SGCD: variants seen among roughly 807,000 people sequenced by gnomAD.
The protein encoded by SGCD is delta-sarcoglycan.
Under a neutral mutation model 36.6 loss-of-function variants are expected in SGCD, and 18 were observed. That is an observed-to-expected ratio of 0.49 (90% CI 0.34 to 0.73). SGCD has a LOEUF of 0.73. Among genes scored for constraint, SGCD ranks in the 30% least tolerant of loss-of-function variants. The pLI, the probability that SGCD is intolerant of heterozygous loss-of-function variation, is 0.01. For missense variants in SGCD, 387 were observed against 346.7 expected, an observed-to-expected ratio of 1.12 and a Z score of -0.92; for synonymous variants, 133 against 130.6, an observed-to-expected ratio of 1.02 and a Z score of -0.12.
chr5:155,940,802 G>A (rs932371927), intron 1 of SGCD, among the ~76,000 whole-genome samples: 4 of 152,054 alleles, frequency 2.6e-5, no homozygotes, highest in Non-Finnish European at 5.9e-5. Context: ...CCAAGATCGT[G>A]CCACTGCACT....
At position 156,024,332 on chromosome 5, in the gene SGCD, A is replaced by G. The variant is rs187949247; in HGVS notation, c.-281-93546A>G. On this transcript the variant is annotated intron_variant, in intron 1 of 9. Coordinates refer to the SGCD transcript ENST00000517913. Reference sequence around the variant, plus strand: ...ATCTTGTATGACGTCCTCAAGATGCACTCAATAAATGCTTGCCCTATGAAA... The same window carrying G: ...ATCTTGTATGACGTCCTCAAGATGCGCTCAATAAATGCTTGCCCTATGAAA... Among the ~76,000 whole-genome samples, 247 of 151,212 alleles carry G rather than the reference A, an allele frequency of 1.6e-3. 1 individual carries two copies. The highest frequency in any genetic ancestry group is 2.7e-3 in the Non-Finnish European group (184 of 67,812).
At chr5:155,827,911 G>A in the SGCD span, among the ~76,000 whole-genome samples, 2 of 145,996 alleles carry the variant, frequency 1.4e-5, no homozygotes, top group Non-Finnish European at 3.0e-5. Context: ...GGCTGGTCTC[G>A]AACTCCCAAC....
At position 156,361,980 on chromosome 5, in the gene SGCD, A is replaced by C. The variant is rs139626543; in HGVS notation, c.192+17303A>C. Among the ~76,000 whole-genome samples, 187 of 152,330 alleles carry C rather than the reference A, an allele frequency of 1.2e-3. 2 individuals are homozygous for C. Among genetic ancestry groups the C allele is most frequent in the African/African-American group, 4.3e-3 (180 of 41,582 alleles). On this transcript the variant is annotated intron_variant, in intron 3 of 8. Coordinates refer to ENST00000337851, the MANE Select transcript of SGCD (RefSeq NM_000337.6). ...GTAGAAGCCTAAAGGAATGATACTG[A>C]GACAGTCATGGGAAGAGCTGGGCAA...
intron 3 of SGCD, among the ~76,000 whole-genome samples, chr5:156,139,216 T>C (rs2127609570): frequency 6.6e-6 from 1 of 152,356 alleles, no homozygotes; most frequent in African/African-American, 2.4e-5. Flanking sequence ...TATTTTATAA[T>C]TTCTGCTTTT....
At chr5:156,603,010 A>G (rs2113420431) in intron 6 of SGCD, among the ~76,000 whole-genome samples, 1 of 149,324 alleles carries the variant, frequency 6.7e-6, no homozygotes, top group East Asian at 2.0e-4. Flanking sequence ...GTTTGAAAAG[A>G]ATTAGTAATA....
rs914645743 is a variant in SGCD, at chr5:155,884,858, A to G, written c.-282+14434A>G. Among the ~76,000 whole-genome samples the G allele has an allele frequency of 1.3e-3, 75 of 56,518 alleles. 28 individuals are homozygous for G. The highest frequency in any genetic ancestry group is 0.012 in the African/African-American group (74 of 6,290). 37.1% of individuals were successfully genotyped at this position (56,518 alleles called of 152,430 possible). On this transcript the variant is annotated intron_variant, in intron 1 of 9. Coordinates refer to the SGCD transcript ENST00000517913. ...ATGAAAAGCATGTAACAAACAACGC[A>G]GTACCTGACAAATAATACATGATCA...
chr5:155,772,120 C>T, the SGCD span, among the ~76,000 whole-genome samples: 2 of 152,096 alleles, frequency 1.3e-5, no homozygotes, highest in African/African-American at 4.8e-5. Flanking sequence ...TACAGGGTCA[C>T]AGCACTTCAG....
At chr5:156,504,236 A>G (rs1191094714) in intron 3 of SGCD, among the ~76,000 whole-genome samples, 1 of 151,756 alleles carries the variant, frequency 6.6e-6, no homozygotes, top group African/African-American at 2.4e-5. Flanking sequence ...TAAAGTACAG[A>G]TAAGCAAAAA....
intron 3 of SGCD, among the ~76,000 whole-genome samples, chr5:156,348,150 G>C (rs1181289230): frequency 6.6e-6 from 1 of 151,804 alleles, no homozygotes; most frequent in Non-Finnish European, 1.5e-5. Flanking sequence ...GAAAGAATGA[G>C]GTATTAAGCA....
intron 3 of SGCD, among the ~76,000 whole-genome samples, chr5:156,362,546 T>C (rs1313359262): frequency 6.6e-6 from 1 of 152,136 alleles, no homozygotes; most frequent in African/African-American, 2.4e-5. Flanking sequence ...CTCGAGAGGC[T>C]GAGGCAGAAG....
chr5:155,997,861 CTTG>C (rs1207829594), intron 1 of SGCD, among the ~76,000 whole-genome samples: 1 of 152,236 alleles, frequency 6.6e-6, no homozygotes, highest in African/African-American at 2.4e-5. Context: ...AAACTGTCAA[CTTG>C]TTGTTGACTC....
chr5:156,076,296 A>G (rs1760783190), intron 1 of SGCD, among the ~76,000 whole-genome samples: 1 of 150,450 alleles, frequency 6.6e-6, no homozygotes, highest in Non-Finnish European at 1.5e-5. Flanking sequence ...TTCCTTTTTC[A>G]CTGCTATTTT....
chr5:156,491,918 C>G (rs572801266), intron 3 of SGCD, among the ~76,000 whole-genome samples: 2 of 152,152 alleles, frequency 1.3e-5, no homozygotes, highest in African/African-American at 4.8e-5. Context: ...GGGAGGGATC[C>G]TAAAAAATTT....
chr5:155,882,111 A>T (rs1007012808), intron 1 of SGCD, among the ~76,000 whole-genome samples: 3 of 150,898 alleles, frequency 2.0e-5, no homozygotes, highest in East Asian at 1.9e-4. Flanking sequence ...TATTATTATT[A>T]TTTTTCTTTT....
chr5:156,524,184 CTATATA>C (rs370041027), intron 4 of SGCD, among the ~76,000 whole-genome samples: 798 of 75,238 alleles, frequency 0.011, 13 homozygotes, highest in African/African-American at 0.038. Flanking sequence ...ATAGGTCTTA[CTATATA>C]TATATATATA....
intron 1 of SGCD, among the ~76,000 whole-genome samples, chr5:156,058,321 C>A (rs1475462923): frequency 1.4e-5 from 2 of 146,524 alleles, no homozygotes; most frequent in African/African-American, 2.5e-5. Context: ...AAATATCTTA[C>A]AAAGAATAAA....
intron 3 of SGCD, among the ~76,000 whole-genome samples, chr5:156,501,893 A>G (rs1240675817): frequency 2.0e-5 from 3 of 152,202 alleles, no homozygotes; most frequent in Non-Finnish European, 4.4e-5. Flanking sequence ...GCGCTCATTC[A>G]GTCAAGACCT....
intron 4 of SGCD, among the ~76,000 whole-genome samples, chr5:156,584,845 G>T (rs900082273): frequency 3.9e-5 from 6 of 152,116 alleles, no homozygotes; most frequent in African/African-American, 1.4e-4. Flanking sequence ...GACAGTTACT[G>T]TCAACTTTTA....
the SGCD span, among the ~76,000 whole-genome samples, chr5:155,764,836 G>C: frequency 6.6e-6 from 1 of 152,132 alleles, no homozygotes; most frequent in Admixed American, 6.5e-5. Flanking sequence ...GATCTGGGGG[G>C]AGGCAGAGGA....
Sources: allele counts gnomAD v4.1 joint callset (sites outside exome capture counted in the v4.1 genomes callset), GRCh38; gene constraint gnomAD v4.1.1; transcripts MANE v1.5; gene names NCBI Gene and HGNC (gene_info 2026-07-23, HGNC 2026-07-21).